USP31: variants seen among roughly 807,000 people sequenced by gnomAD.
USP31 encodes ubiquitin specific peptidase 31.
In USP31, 44 loss-of-function variants were observed where a neutral mutation model predicts 119.4. That is an observed-to-expected ratio of 0.37 (90% CI 0.29 to 0.47). The LOEUF is 0.47. USP31 is among the 20% of genes least tolerant of loss of function. The pLI, the probability that USP31 is intolerant of heterozygous loss-of-function variation, is 0.99. For synonymous variants in USP31, 749 were observed against 705.6 expected (o/e 1.06, Z -0.97); for missense variants, 1,643 against 1,730.2 (o/e 0.95, Z 0.89).
At position 23,071,951 on chromosome 16, in the gene USP31, C is replaced by T. The variant is rs1362532271; in HGVS notation, c.2488+94G>A. 7 of 1,497,876 alleles carry T rather than the reference C, an allele frequency of 4.7e-6. No individual in the cohort carries two copies. The East Asian group carries it at 1.6e-4, about 34-fold the overall frequency. The allele number at this position is 1,497,876 out of a possible 1,614,324, so 92.8% of individuals were successfully genotyped here. On this transcript the variant is annotated intron_variant, in intron 15 of 15. Coordinates refer to ENST00000219689, the MANE Select transcript of USP31 (RefSeq NM_020718.4). ...AGCTCCCTTTGGGTTCTCCTACCAT[C>T]TCCTTGGGACTTAGCTCCTAGGAAA...
chr16:23,097,055 C>G (rs964453346), intron 6 of USP31, among the ~76,000 whole-genome samples: 24 of 151,978 alleles, frequency 1.6e-4, no homozygotes, highest in Non-Finnish European at 5.9e-5. Flanking sequence ...AATCTAGGAG[C>G]TGGTTTTTTG....
At chr16:23,078,184 T>G (rs1056886524) in intron 13 of USP31, among the ~76,000 whole-genome samples, 3 of 151,702 alleles carry the variant, frequency 2.0e-5, no homozygotes, top group Non-Finnish European at 4.4e-5. Flanking sequence ...TGGTGGTGTG[T>G]GCCTGTAGTC....
intron 6 of USP31, among the ~76,000 whole-genome samples, chr16:23,094,488 G>C (rs149403579): frequency 6.6e-6 from 1 of 152,324 alleles, no homozygotes; most frequent in East Asian, 1.9e-4. Flanking sequence ...GCTTTGAAGA[G>C]AGCAGTGGTT....
At position 23,142,104 on chromosome 16, in the gene USP31, CTG is replaced by C. The variant is rs899961592; in HGVS notation, c.633+6532_633+6533del. Reference sequence around the variant, plus strand: ...GCCCCTTTACCTAAACTAACAATAACTGTGCAGCAAATGTGATTCAGGTCCAA... The same window carrying C: ...GCCCCTTTACCTAAACTAACAATAACTGCAGCAAATGTGATTCAGGTCCAA... On this transcript the variant is annotated intron_variant, in intron 1 of 15. Transcript: ENST00000219689. Among the ~76,000 whole-genome samples, 345 of 152,300 alleles carry C rather than the reference CTG, an allele frequency of 2.3e-3. 3 individuals are homozygous for C. The highest frequency in any genetic ancestry group is 7.7e-3 in the African/African-American group (319 of 41,552).
chr16:23,107,703 G>C lies in USP31; in HGVS notation c.771+343C>G, dbSNP rs116262794. Among the ~76,000 whole-genome samples, 609 of 152,284 alleles carry C rather than the reference G, an allele frequency of 4.0e-3. 7 individuals are homozygous for C. Among genetic ancestry groups the C allele is most frequent in the African/African-American group, 0.013 (553 of 41,560 alleles). On this transcript the variant is annotated intron_variant, in intron 2 of 15. Coordinates refer to ENST00000219689, the MANE Select transcript of USP31 (RefSeq NM_020718.4). ...TTTATGATTGTGTATTCATTCCAGTGAACTACAGAGTATGTGTCTTACTAG... is the reference window on the plus strand; with the variant it reads ...TTTATGATTGTGTATTCATTCCAGTCAACTACAGAGTATGTGTCTTACTAG...
chr16:23,093,474 T>A (rs1429077876), intron 6 of USP31, among the ~76,000 whole-genome samples: 1 of 152,178 alleles, frequency 6.6e-6, no homozygotes, highest in Non-Finnish European at 1.5e-5. Context: ...AGTCAAAACC[T>A]CAATGAAGTA....
chr16:23,069,099 T>C lies in USP31; in HGVS notation c.3006A>G (p.Pro1002=). 1 of 1,612,868 alleles carries C rather than the reference T, an allele frequency of 6.2e-7. No individual in the cohort carries two copies. The highest frequency in any genetic ancestry group is 1.3e-5 in the African/African-American group (1 of 75,056). ...VDQSDSVDSS[P]VKEVKAPSHP... is the part of the protein sequence containing the mutation. ...GGCTGGGGGCTTTCACCTCTTTGAC[T>C]GGAGAGCTGTCTACGGAGTCGCTCT... Residue 1002 remains proline (P), a synonymous_variant, in exon 16 of 16, where the codon CCA becomes CCG. Transcript: ENST00000219689.
At chr16:23,119,505 C>T (rs1266228436) in intron 1 of USP31, among the ~76,000 whole-genome samples, 1 of 152,210 alleles carries the variant, frequency 6.6e-6, no homozygotes, top group Non-Finnish European at 1.5e-5. Context: ...CCATATAGGA[C>T]TCAGCATCAT....
At position 23,149,381 on chromosome 16, in the gene USP31, G is replaced by C; in HGVS notation, c.-111C>G. On this transcript the variant is annotated 5_prime_UTR_variant, in exon 1 of 16. Transcript: ENST00000219689. ...GCCTCACCGGGCCCGGGGGCTCGAC[G>C]CCCCACACACCTCAAAGCGCAGCCG... The C allele has an allele frequency of 1.0e-6, 1 of 983,532 alleles. No individual in the cohort carries two copies. Among genetic ancestry groups the C allele is most frequent in the Non-Finnish European group, 1.2e-6 (1 of 829,472 alleles). The allele number at this position is 983,532 out of a possible 1,614,324, so 60.9% of individuals were successfully genotyped here. A position where few individuals can be genotyped will look rare whatever the true frequency, so the allele number is the denominator to read the frequency against.
At position 23,067,258 on chromosome 16, in the gene USP31, G is replaced by C. The variant is rs1177710104; in HGVS notation, c.*788C>G. The C allele has an allele frequency of 6.5e-6, 1 of 152,672 alleles. No homozygotes were observed. The highest frequency in any genetic ancestry group is 1.5e-5 in the Non-Finnish European group (1 of 68,058). 9.5% of individuals were successfully genotyped at this position (152,672 alleles called of 1,614,324 possible). Reference sequence around the variant, plus strand: ...AAATTAAACGAGTGACTGGCTTTCTGGCTATCCAATCTGCCACTTCCTAGG... The same window carrying C: ...AAATTAAACGAGTGACTGGCTTTCTCGCTATCCAATCTGCCACTTCCTAGG... On this transcript the variant is annotated 3_prime_UTR_variant, in exon 16 of 16. Coordinates refer to ENST00000219689, the MANE Select transcript of USP31 (RefSeq NM_020718.4).
At chr16:23,134,603 T>C (rs556424803) in intron 1 of USP31, among the ~76,000 whole-genome samples, 2 of 150,456 alleles carry the variant, frequency 1.3e-5, no homozygotes, top group Non-Finnish European at 2.9e-5. Flanking sequence ...AAATCCTCAC[T>C]GTACACATTC....
chr16:23,092,433 C>T (rs975160238), intron 6 of USP31, among the ~76,000 whole-genome samples: 11 of 152,122 alleles, frequency 7.2e-5, no homozygotes, highest in Non-Finnish European at 1.2e-4. Flanking sequence ...GCCCCAGCTC[C>T]AGAGAACTTC....
intron 1 of USP31, among the ~76,000 whole-genome samples, chr16:23,108,569 C>T (rs1457551563): frequency 6.6e-6 from 1 of 152,082 alleles, no homozygotes; most frequent in Non-Finnish European, 1.5e-5. Flanking sequence ...AATTATGATA[C>T]AACTACATGA....
rs1189895281 is a variant in USP31 at position 23,149,271 on chromosome 16, G to T, written c.-1C>A. On this transcript the variant is annotated 5_prime_UTR_variant, in exon 1 of 16. Transcript: ENST00000219689. ...ACCCAGGCGCCGTTACCTTGGACAT[G>T]GCGGCGGCCGCAGACACTCATCACC... The T allele has an allele frequency of 1.6e-5, 17 of 1,081,216 alleles. No homozygotes were observed. The highest frequency in any genetic ancestry group is 5.1e-5 in the African/African-American group (3 of 58,878). 67.0% of individuals were successfully genotyped at this position (1,081,216 alleles called of 1,614,324 possible).
intron 4 of USP31, 148 bp from the exon 5 acceptor site, chr16:23,105,724 G>A: frequency 1.2e-6 from 1 of 842,660 alleles, no homozygotes; most frequent in Non-Finnish European, 1.7e-6. Flanking sequence ...ATTTCACTTG[G>A]CTCTAAGCAG....
chr16:23,072,007 T>C lies in USP31; in HGVS notation c.2488+38A>G, dbSNP rs781597081. 4 of 1,588,342 alleles carry C rather than the reference T, an allele frequency of 2.5e-6. No individual in the cohort carries two copies. In the South Asian group the frequency reaches 4.6e-5, roughly 18 times the overall value. ...GAGGGACTCTGCTGTGTCTGTGAGT[T>C]ACCATTCTGGAAATTTGTCACCAAA... On this transcript the variant is annotated intron_variant, in intron 15 of 15. Transcript: ENST00000219689.
intron 11 of USP31, 151 bp from the exon 12 acceptor site, chr16:23,082,708 A>G (rs2141842140): frequency 1.9e-6 from 2 of 1,059,116 alleles, no homozygotes; most frequent in Non-Finnish European, 2.7e-6. Flanking sequence ...AATCAAAAGT[A>G]GCCAGAGCTG....
chr16:23,083,944 G>C (rs1380544998), intron 11 of USP31, among the ~76,000 whole-genome samples: 1 of 152,184 alleles, frequency 6.6e-6, no homozygotes, highest in Non-Finnish European at 1.5e-5. Context: ...GTCACCATCA[G>C]AGCCATCCAG....
chr16:23,121,696 T>C (rs571543714), intron 1 of USP31, among the ~76,000 whole-genome samples: 1 of 152,330 alleles, frequency 6.6e-6, no homozygotes, highest in African/African-American at 2.4e-5. Flanking sequence ...ATTAAAACAA[T>C]GAAATGCTAT....
Sources: gnomAD v4.1 joint callset for allele counts (sites outside exome capture counted in the v4.1 genomes callset) on GRCh38, gnomAD v4.1.1 for gene constraint, MANE v1.5 for transcripts, NCBI Gene and HGNC (gene_info 2026-07-23, HGNC 2026-07-21) for gene names.